Variants in PPHLN1 observed in about 807,000 individuals in gnomAD.
The protein encoded by PPHLN1 is periphilin-1.
A neutral mutation model predicts 51.3 loss-of-function variants in PPHLN1; 29 were observed. That is an observed-to-expected ratio of 0.57 (90% confidence interval 0.42 to 0.77). The LOEUF (loss-of-function observed/expected upper bound fraction) is 0.77. Ranked by LOEUF, PPHLN1 falls within the 30% of genes least tolerant of loss-of-function variation. PPHLN1 has a pLI of 0.00. For synonymous variants in PPHLN1, 147 were observed against 147.8 expected, an observed-to-expected ratio of 0.99 and a Z score of 0.04; for missense variants, 436 against 438.4, an observed-to-expected ratio of 0.99 and a Z score of 0.05.
At chr12:42,401,858 A>G (rs11181481) in intron 9 of PPHLN1, among the ~76,000 whole-genome samples, 24,822 of 151,706 alleles carry the variant, frequency 0.16, 2,080 homozygotes, top group Admixed American at 0.21. Flanking sequence ...TTGTTTGTTT[A>G]TTTGTTTGTT....
chr12:42,374,891 A>G lies in PPHLN1; in HGVS notation c.328A>G (p.Ser110Gly). 6.2e-7 allele frequency: 1 copy of G among 1,612,526 alleles called. No individual in the cohort carries two copies. Among genetic ancestry groups the G allele is most frequent in the Non-Finnish European group, 8.5e-7 (1 of 1,179,570 alleles). ...RDMRDGFRRK[S>G]FYSSHYARER... ...CATGAGAGATGGCTTTAGAAGAAAA[A>G]GTTTCTACTCTTCCCATTATGCGAG... Residue 110 changes from serine (S) to glycine (G), a missense_variant, in exon 5 of 10, where the codon AGT becomes GGT. Coordinates refer to ENST00000358314, the MANE Select transcript of PPHLN1 (RefSeq NM_201439.2).
chr12:42,353,525 G>A (rs545135858), intron 3 of PPHLN1, among the ~76,000 whole-genome samples: 5 of 152,234 alleles, frequency 3.3e-5, no homozygotes, highest in South Asian at 2.1e-4. Context: ...GTGTTTTCTC[G>A]TGTTTGTTTC....
intron 4 of PPHLN1, among the ~76,000 whole-genome samples, chr12:42,369,889 C>G (rs2075633383): frequency 6.6e-6 from 1 of 152,222 alleles, no homozygotes; most frequent in Admixed American, 6.5e-5. Context: ...ATTCCTTCTT[C>G]CTTGATGATT....
intron 9 of PPHLN1, among the ~76,000 whole-genome samples, chr12:42,421,327 A>C (rs2080985313): frequency 6.6e-6 from 1 of 151,764 alleles, no homozygotes; most frequent in African/African-American, 2.4e-5. Context: ...ACTCTGTGAA[A>C]ACTATCTTTA....
intron 3 of PPHLN1, among the ~76,000 whole-genome samples, chr12:42,353,421 T>C (rs2138252508): frequency 6.6e-6 from 1 of 152,334 alleles, no homozygotes; most frequent in South Asian, 2.1e-4. Flanking sequence ...GGTAAGGTGA[T>C]TTACTTAGGA....
chr12:42,446,139 G>T (rs758863598), downstream of PPHLN1: 28 of 1,583,584 alleles, frequency 1.8e-5, no homozygotes, highest in Non-Finnish European at 2.3e-5. Flanking sequence ...ACACAGCTTC[G>T]TCGGACGACA....
chr12:42,442,673 CCTGTGAGGAACACTGAAATG>C, downstream of PPHLN1: 3 of 1,614,106 alleles, frequency 1.9e-6, no homozygotes, highest in Non-Finnish European at 2.5e-6. Flanking sequence ...GCAGGTACCC[CCTGTGAGGAACACTGAAATG>C]GATCACGACG....
In PPHLN1 at chr12:42,387,451, TATAG is replaced by T. The variant is rs757605115; in HGVS notation, c.569-1_571del. ...AAAAATTACATCTTATGTTTTCTTA[TATAG>T]ATAAAGAGAGGCCTGTCCAGTCTTT... On this transcript the variant is annotated splice_acceptor_variant and splice_polypyrimidine_tract_variant and intron_variant, in intron 6 of 9. Coordinates refer to ENST00000358314, the MANE Select transcript of PPHLN1 (RefSeq NM_201439.2). LOFTEE classifies it high-confidence loss of function. 1.0e-4 allele frequency: 162 copies of T among 1,598,772 alleles called. No individual in the cohort carries two copies. The highest frequency in any genetic ancestry group is 1.4e-4 in the Non-Finnish European group (159 of 1,175,770).
chr12:42,434,546 G>A (rs1053994739), intron 9 of PPHLN1, among the ~76,000 whole-genome samples: 2 of 152,170 alleles, frequency 1.3e-5, no homozygotes, highest in African/African-American at 4.8e-5. Flanking sequence ...GGTTAGTCTT[G>A]TGGGACTGAG....
At chr12:42,419,863 A>T (rs2139671947) in intron 9 of PPHLN1, among the ~76,000 whole-genome samples, 1 of 152,340 alleles carries the variant, frequency 6.6e-6, no homozygotes, top group African/African-American at 2.4e-5. Context: ...GTACATGATG[A>T]CTTGAATGCT....
intron 4 of PPHLN1, among the ~76,000 whole-genome samples, chr12:42,371,511 C>T (rs1159693994): frequency 6.6e-6 from 1 of 152,148 alleles, no homozygotes; most frequent in African/African-American, 2.4e-5. Flanking sequence ...TTGCTTTTTA[C>T]TCACTGCTTT....
chr12:42,353,573 G>T (rs556191030), intron 3 of PPHLN1, among the ~76,000 whole-genome samples: 2 of 152,294 alleles, frequency 1.3e-5, no homozygotes, highest in South Asian at 4.1e-4. Flanking sequence ...AGTTTTCACA[G>T]AATTGATTTT....
chr12:42,367,764 C>T (rs1458302909), intron 4 of PPHLN1, among the ~76,000 whole-genome samples: 4 of 152,090 alleles, frequency 2.6e-5, no homozygotes, highest in Admixed American at 1.3e-4. Context: ...AACAGAGTCT[C>T]GCTCTGTTCC....
chr12:42,332,678 A>C (rs1335169988), intron 1 of PPHLN1: 3 of 1,579,072 alleles, frequency 1.9e-6, no homozygotes, highest in African/African-American at 2.7e-5. Flanking sequence ...TGAAAACGTT[A>C]AATTTGATTC....
At chr12:42,353,479 C>A (rs1009461248) in intron 3 of PPHLN1, among the ~76,000 whole-genome samples, 1 of 152,162 alleles carries the variant, frequency 6.6e-6, no homozygotes, top group African/African-American at 2.4e-5. Context: ...ATCATAGTGA[C>A]CCCTAACAAT....
At position 42,366,732 on chromosome 12, in the gene PPHLN1, T is replaced by A. The variant is rs17091110; in HGVS notation, c.300-8131T>A. ...CAGGTTTTAGAACTTTCCTGGAGGC[T>A]GAGTGAATATTTTTAAAGATTAAGT... On this transcript the variant is annotated intron_variant, in intron 4 of 9. Transcript: ENST00000358314. Among the ~76,000 whole-genome samples the A allele has an allele frequency of 8.8e-3, 1,334 of 152,126 alleles. 41 individuals are homozygous for A. In the East Asian group the frequency reaches 0.1, roughly 12 times the overall value.
At chr12:42,373,445 G>A (rs2075980926) in intron 4 of PPHLN1, among the ~76,000 whole-genome samples, 1 of 152,164 alleles carries the variant, frequency 6.6e-6, no homozygotes, top group Non-Finnish European at 1.5e-5. Context: ...TAATCAGCTA[G>A]TGTTCAAATG....
rs776380503 is a variant in PPHLN1 at position 42,355,171 on chromosome 12, G to T, written c.248G>T (p.Gly83Val). 1 of 1,613,586 alleles carries T rather than the reference G, an allele frequency of 6.2e-7. No individual in the cohort carries two copies. The change falls in exon 4 of 10, where the codon GGT becomes GTT. Residue 83 changes from glycine to valine, a missense_variant. Coordinates refer to ENST00000358314, the MANE Select transcript of PPHLN1 (RefSeq NM_201439.2). ...SGPPHRGDES[G>V]YRWTRDDHSA... ...TTTTTTATGTTACAGGATGAATCTG[G>T]TTATAGATGGACAAGAGACGATCAT...
chr12:42,384,087 T>C (rs984279739), intron 5 of PPHLN1, among the ~76,000 whole-genome samples: 7 of 150,580 alleles, frequency 4.6e-5, no homozygotes, highest in Admixed American at 1.3e-4. Context: ...CAAAACTTGC[T>C]GGATGCCAGA....
Sources: gnomAD v4.1 joint callset for allele counts (sites outside exome capture counted in the v4.1 genomes callset) on GRCh38, gnomAD v4.1.1 for gene constraint, MANE v1.5 for transcripts, NCBI Gene and HGNC (gene_info 2026-07-23, HGNC 2026-07-21) for gene names.